Variants in RAP1GAP2 observed in about 807,000 individuals in gnomAD.
The protein encoded by RAP1GAP2 is RAP1 GTPase activating protein 2.
RAP1GAP2 carries 27 observed loss-of-function variants against 95.0 expected under a neutral mutation model. The ratio of observed to expected loss-of-function variants is 0.28; its 90% CI spans 0.21 to 0.39. The LOEUF (loss-of-function observed/expected upper bound fraction) is 0.39, where lower values mean the gene tolerates loss of function less well. Ranked by LOEUF, RAP1GAP2 falls within the 10% of genes least tolerant of loss-of-function variation. The pLI is 1.00. For synonymous variants in RAP1GAP2, 373 were observed against 380.9 expected, an observed-to-expected ratio of 0.98 and a Z score of 0.24; for missense variants, 771 against 970.0, an observed-to-expected ratio of 0.79 and a Z score of 2.72.
At chr17:2,839,766 A>G (rs921828038) in intron 2 of RAP1GAP2, among the ~76,000 whole-genome samples, 2 of 152,132 alleles carry the variant, frequency 1.3e-5, no homozygotes, top group African/African-American at 2.4e-5. Context: ...GAGGATGACT[A>G]CCCAGGTATA....
At chr17:3,018,015 G>A (rs762310778) in intron 17 of RAP1GAP2, 46 bp from the exon 18 acceptor site, 18 of 1,539,708 alleles carry the variant, frequency 1.2e-5, no homozygotes, top group South Asian at 2.4e-5. Flanking sequence ...AGAGTCATCC[G>A]GAGAGCCCGG....
At chr17:2,935,840 C>T (rs981974790) in intron 3 of RAP1GAP2, among the ~76,000 whole-genome samples, 1 of 152,182 alleles carries the variant, frequency 6.6e-6, no homozygotes, top group Non-Finnish European at 1.5e-5. Flanking sequence ...CAGTCCCATG[C>T]TCTCTTCACC....
chr17:2,909,276 T>C (rs1243084699), intron 3 of RAP1GAP2, among the ~76,000 whole-genome samples: 2 of 152,078 alleles, frequency 1.3e-5, no homozygotes, highest in Non-Finnish European at 2.9e-5. Context: ...CAGCTGCTGC[T>C]GAGAGGCCAA....
At chr17:2,872,904 T>C (rs1396998312) in intron 2 of RAP1GAP2, among the ~76,000 whole-genome samples, 1 of 151,852 alleles carries the variant, frequency 6.6e-6, no homozygotes, top group African/African-American at 2.4e-5. Context: ...GCTCAAGCGA[T>C]CCTCCAACCT....
intron 3 of RAP1GAP2, among the ~76,000 whole-genome samples, chr17:2,911,260 A>ATTTTTT (rs34227127): frequency 2.0e-4 from 26 of 132,026 alleles, no homozygotes; most frequent in African/African-American, 5.1e-4. Flanking sequence ...TTTGAAGGGG[A>ATTTTTT]TTTTTTTTTT....
chr17:2,948,290 A>G (rs1317437707), intron 3 of RAP1GAP2, among the ~76,000 whole-genome samples: 1 of 152,222 alleles, frequency 6.6e-6, no homozygotes. Flanking sequence ...CCCCACCTCC[A>G]GAAGCAGAGG....
chr17:2,778,866 G>A (rs1358480204), intron 1 of RAP1GAP2, among the ~76,000 whole-genome samples: 4 of 152,206 alleles, frequency 2.6e-5, no homozygotes, highest in African/African-American at 7.2e-5. Context: ...TCTCCTGGGC[G>A]GTGTTCTGAG....
At chr17:2,807,791 T>C (rs55978140) in intron 2 of RAP1GAP2, among the ~76,000 whole-genome samples, 32,308 of 151,804 alleles carry the variant, frequency 0.21, 4,212 homozygotes, top group African/African-American at 0.38. Flanking sequence ...ATGCTGGAAG[T>C]GGGGCTGGAT....
intron 3 of RAP1GAP2, among the ~76,000 whole-genome samples, chr17:2,928,015 A>G (rs575302915): frequency 6.6e-6 from 1 of 152,304 alleles, no homozygotes; most frequent in South Asian, 2.1e-4. Flanking sequence ...GCTGCAGCCT[A>G]GAGGAGCTAT....
chr17:2,838,485 T>C (rs1263616893), intron 2 of RAP1GAP2, among the ~76,000 whole-genome samples: 1 of 151,752 alleles, frequency 6.6e-6, no homozygotes, highest in Non-Finnish European at 1.5e-5. Flanking sequence ...CTTTGGAGAG[T>C]TGGGATGGTG....
chr17:2,965,937 G>A lies in RAP1GAP2; in HGVS notation c.596+294G>A, dbSNP rs1000810509. On this transcript the variant is annotated intron_variant, in intron 8 of 24. Transcript: ENST00000254695. The surrounding 1 kb of genome is among the most constrained non-coding windows in gnomAD (Gnocchi z 4.7). ...ACAAGTCCATGGCTCTGAGGAAGACGGGAAGAAAAGTAGGGATGGTTCAGT... is the reference window on the plus strand; with the variant it reads ...ACAAGTCCATGGCTCTGAGGAAGACAGGAAGAAAAGTAGGGATGGTTCAGT... 1.0e-5 allele frequency: 4 copies of A among 398,824 alleles called. No homozygotes were observed. The highest frequency in any genetic ancestry group is 4.7e-5 in the East Asian group (1 of 21,436). 24.7% of individuals were successfully genotyped at this position (398,824 alleles called of 1,614,324 possible).
rs1156972496 is a variant in RAP1GAP2, at chr17:2,906,095, C to G, written c.165+727C>G. 6.6e-6 allele frequency among the ~76,000 whole-genome samples: 1 copy of G among 152,176 alleles called. No individual in the cohort carries two copies. The highest frequency in any genetic ancestry group is 1.5e-5 in the Non-Finnish European group (1 of 68,024). ...TGGCATGCACGCTCTCCCTCCCTCC[C>G]TCCCTGCCTCCCTCCTTCCTTCACA... is the stretch of plus-strand genomic sequence containing the variant. On this transcript the variant is annotated intron_variant, in intron 3 of 24. Transcript: ENST00000254695. This position sits in a 1 kb window ranked among gnomAD's most constrained non-coding sequence, Gnocchi z 4.3.
chr17:2,929,098 A>T (rs1487848030), intron 3 of RAP1GAP2, among the ~76,000 whole-genome samples: 1 of 152,126 alleles, frequency 6.6e-6, no homozygotes, highest in Non-Finnish European at 1.5e-5. Flanking sequence ...TTGGGCATGG[A>T]GGTGCACCCC....
At chr17:2,889,394 C>G (rs577569198) in intron 2 of RAP1GAP2, among the ~76,000 whole-genome samples, 1 of 152,198 alleles carries the variant, frequency 6.6e-6, no homozygotes, top group East Asian at 1.9e-4. Flanking sequence ...GGTCAGGGTG[C>G]GTGTTAGAGC....
At chr17:2,879,680 C>T (rs752978450) in intron 2 of RAP1GAP2, among the ~76,000 whole-genome samples, 49 of 151,034 alleles carry the variant, frequency 3.2e-4, no homozygotes, top group Non-Finnish European at 6.0e-4. Context: ...GAGCTGAGAT[C>T]GCACCATGGC....
chr17:2,796,294 C>A, upstream of RAP1GAP2: 2 of 550,954 alleles, frequency 3.6e-6, no homozygotes, highest in South Asian at 4.9e-5. This position sits in a 1 kb window ranked among gnomAD's most constrained non-coding sequence, Gnocchi z 4.7. Context: ...GGGGAAGCTG[C>A]CCTCCACAAC....
chr17:2,852,158 A>G (rs1002719801), intron 2 of RAP1GAP2, among the ~76,000 whole-genome samples: 2 of 152,182 alleles, frequency 1.3e-5, no homozygotes, highest in African/African-American at 2.4e-5. Context: ...TTCTCTACCA[A>G]GGACACTCAT....
Position 2,817,567 on chromosome 17 carries a change from C to G in RAP1GAP2, c.80+17017C>G, listed in dbSNP as rs2070075723. Reference sequence around the variant, plus strand: ...GCAGGGTTTTACTGTGTTGCCCAGGCTGGAGTGAAGTGGCATGATCTCGGC... The same window carrying G: ...GCAGGGTTTTACTGTGTTGCCCAGGGTGGAGTGAAGTGGCATGATCTCGGC... On this transcript the variant is annotated intron_variant, in intron 2 of 24. Transcript: ENST00000254695. 3.4e-5 allele frequency among the ~76,000 whole-genome samples: 4 copies of G among 118,172 alleles called. 2 individuals are homozygous for G. The highest frequency in any genetic ancestry group is 5.6e-5 in the African/African-American group (2 of 35,606). 77.5% of individuals were successfully genotyped at this position (118,172 alleles called of 152,430 possible). A position where few individuals can be genotyped will look rare whatever the true frequency, so the allele number is the denominator to read the frequency against.
chr17:2,846,866 C>G (rs1030237523), intron 2 of RAP1GAP2, among the ~76,000 whole-genome samples: 2 of 152,178 alleles, frequency 1.3e-5, no homozygotes, highest in Non-Finnish European at 2.9e-5. Flanking sequence ...GCCATTAAGC[C>G]TAGGGACAAG....
Sources: gnomAD v4.1 joint callset for allele counts (sites outside exome capture counted in the v4.1 genomes callset) on GRCh38, gnomAD v4.1.1 for gene constraint, Gnocchi (gnomAD v3.1) non-coding constraint, MANE v1.5 for transcripts, NCBI Gene and HGNC (gene_info 2026-07-23, HGNC 2026-07-21) for gene names.